DNAH11: variants seen among roughly 807,000 people sequenced by gnomAD.
DNAH11 encodes dynein axonemal heavy chain 11.
In DNAH11, 442 loss-of-function variants were observed where a neutral mutation model predicts 526.0. The observed-to-expected ratio is 0.84, with a 90% CI of 0.78 to 0.91. The LOEUF (loss-of-function observed/expected upper bound fraction) is 0.91, where lower values mean the gene tolerates loss of function less well. Among genes scored for constraint, DNAH11 ranks in the 40% least tolerant of loss-of-function variants. The probability of loss-of-function intolerance (pLI) is 0.00; values close to 1 mark genes in which losing one functional copy is unlikely to be tolerated. For synonymous variants in DNAH11, 2,461 were observed against 1,935.9 expected (o/e 1.27, Z -7.12); for missense variants, 6,989 against 5,448.7 (o/e 1.28, Z -8.90).
chr7:21,584,504 C>G (rs1254947688), intron 9 of DNAH11, among the ~76,000 whole-genome samples: 1 of 152,044 alleles, frequency 6.6e-6, no homozygotes, highest in African/African-American at 2.4e-5. Flanking sequence ...GTACAGCAAA[C>G]CAGCATGGCA....
intron 63 of DNAH11, among the ~76,000 whole-genome samples, chr7:21,813,950 A>G (rs531498542): frequency 6.6e-6 from 1 of 152,178 alleles, no homozygotes; most frequent in Admixed American, 6.5e-5. Context: ...AATGAAGGGG[A>G]TATGTTCTGA....
At chr7:21,593,914 C>G (rs1784777861) in intron 14 of DNAH11, among the ~76,000 whole-genome samples, 1 of 151,724 alleles carries the variant, frequency 6.6e-6, no homozygotes, top group African/African-American at 2.4e-5. Flanking sequence ...AAATCTCTCT[C>G]TCTCTAACAC....
At chr7:21,626,651 G>A (rs1413597432) in intron 25 of DNAH11, among the ~76,000 whole-genome samples, 1 of 151,856 alleles carries the variant, frequency 6.6e-6, no homozygotes, top group East Asian at 1.9e-4. Context: ...ATTTAACTGG[G>A]GTGACATCAT....
intron 79 of DNAH11, among the ~76,000 whole-genome samples, chr7:21,896,220 G>A (rs1370720136): frequency 3.3e-5 from 5 of 151,870 alleles, no homozygotes; most frequent in Non-Finnish European, 5.9e-5. Context: ...TGCTTTTTTT[G>A]TATCTTGTTC....
In DNAH11 at chr7:21,679,479, A is replaced by C. The variant is rs984035501; in HGVS notation, c.5329-2067A>C. ...CAATGTATACCTACATCAAAATATC[A>C]CGTTGTATACCTTAAACGTATACAA... On this transcript the variant is annotated intron_variant, in intron 30 of 81. Coordinates refer to ENST00000409508, the MANE Select transcript of DNAH11 (RefSeq NM_001277115.2). 4.6e-5 allele frequency among the ~76,000 whole-genome samples: 7 copies of C among 152,342 alleles called. No homozygotes were observed. In the South Asian group the frequency reaches 8.3e-4, roughly 18 times the overall value.
intron 72 of DNAH11, 149 bp downstream of exon 72, chr7:21,868,156 G>A: frequency 1.4e-6 from 1 of 715,650 alleles, no homozygotes; most frequent in Non-Finnish European, 2.0e-6. Context: ...AAAATGTAAA[G>A]CTAATAACCC....
chr7:21,703,145 A>G (rs1784131994), intron 37 of DNAH11, among the ~76,000 whole-genome samples: 1 of 152,198 alleles, frequency 6.6e-6, no homozygotes, highest in Non-Finnish European at 1.5e-5. Flanking sequence ...TTAATCCTGG[A>G]AAGTCAGCGA....
At chr7:21,604,755 AG>A (rs1047266132) in intron 18 of DNAH11, among the ~76,000 whole-genome samples, 2 of 152,182 alleles carry the variant, frequency 1.3e-5, no homozygotes, top group African/African-American at 4.8e-5. Context: ...AAGAGGGATA[AG>A]GGGACCTGAG....
intron 63 of DNAH11, among the ~76,000 whole-genome samples, chr7:21,814,516 T>TC (rs2090027038): frequency 1.6e-5 from 1 of 62,416 alleles, no homozygotes; most frequent in Non-Finnish European, 2.9e-5. Context: ...CCCTCCCCCC[T>TC]CCCCCCACCC....
intron 62 of DNAH11, among the ~76,000 whole-genome samples, chr7:21,807,656 A>G (rs185790661): frequency 2.0e-4 from 30 of 152,284 alleles, no homozygotes; most frequent in South Asian, 6.2e-4. Flanking sequence ...TAAAGAACTA[A>G]TGTCACTTTG....
intron 62 of DNAH11, 41 bp downstream of exon 62, chr7:21,801,316 G>C (rs1788985241): frequency 6.2e-7 from 1 of 1,608,432 alleles, no homozygotes; most frequent in African/African-American, 1.3e-5. Flanking sequence ...AAAATGTTCA[G>C]ATCAGCTTGT....
intron 63 of DNAH11, among the ~76,000 whole-genome samples, chr7:21,814,589 C>A (rs527768453): frequency 7.5e-4 from 107 of 142,300 alleles, no homozygotes; most frequent in African/African-American, 2.7e-3. Flanking sequence ...TTGTTCAATT[C>A]CCACCTATGA....
rs1264016658 is a variant in DNAH11, at chr7:21,610,120, G to A, written c.3852+3387G>A. On this transcript the variant is annotated intron_variant, in intron 20 of 81. Coordinates refer to ENST00000409508, the MANE Select transcript of DNAH11 (RefSeq NM_001277115.2). ...ATACAAAAAATTAGCCGGGCGTGGTGGCAGGCGCTTGTAGTCCCAGCTACT... is the reference window on the plus strand; with the variant it reads ...ATACAAAAAATTAGCCGGGCGTGGTAGCAGGCGCTTGTAGTCCCAGCTACT... Among the ~76,000 whole-genome samples the A allele has an allele frequency of 1.6e-4, 24 of 152,174 alleles. 1 individual carries two copies. The highest frequency in any genetic ancestry group is 1.5e-5 in the Non-Finnish European group (1 of 68,028).
At chr7:21,663,571 T>C (rs2128467207) in intron 30 of DNAH11, among the ~76,000 whole-genome samples, 1 of 152,252 alleles carries the variant, frequency 6.6e-6, no homozygotes, top group East Asian at 1.9e-4. Context: ...TGATGATTAG[T>C]GATGTTGAGC....
At chr7:21,873,102 TTTGATGTA>T (rs1370526819) in intron 73 of DNAH11, among the ~76,000 whole-genome samples, 164 bp from the exon 74 acceptor site, 14 of 152,226 alleles carry the variant, frequency 9.2e-5, no homozygotes, top group Admixed American at 3.9e-4. Flanking sequence ...TTTTTTTTTT[TTTGATGTA>T]TTGATGTATT....
At chr7:21,609,278 T>C (rs1785421482) in intron 20 of DNAH11, among the ~76,000 whole-genome samples, 1 of 152,142 alleles carries the variant, frequency 6.6e-6, no homozygotes, top group South Asian at 2.1e-4. Context: ...TACAGTGGCA[T>C]GATCTCAGCT....
At chr7:21,885,182 AAAAAAAC>A (rs1029296596) in intron 76 of DNAH11, among the ~76,000 whole-genome samples, 5 of 147,786 alleles carry the variant, frequency 3.4e-5, no homozygotes, top group South Asian at 4.3e-4. Flanking sequence ...AAAAAAAAAA[AAAAAAAC>A]ACACACATTT....
At chr7:21,875,622 C>T (rs1328959813) in intron 74 of DNAH11, among the ~76,000 whole-genome samples, 2 of 152,096 alleles carry the variant, frequency 1.3e-5, no homozygotes, top group Non-Finnish European at 2.9e-5. Context: ...GATCACACCA[C>T]TGTGCTTCAG....
intron 30 of DNAH11, among the ~76,000 whole-genome samples, chr7:21,669,032 T>C (rs375398426): frequency 6.8e-4 from 103 of 152,306 alleles, no homozygotes; most frequent in African/African-American, 2.3e-3. Context: ...TATAAAATAG[T>C]ATATCATTGT....
Sources: gnomAD v4.1 joint callset for allele counts (sites outside exome capture counted in the v4.1 genomes callset) on GRCh38, gnomAD v4.1.1 for gene constraint, MANE v1.5 for transcripts, NCBI Gene and HGNC (gene_info 2026-07-23, HGNC 2026-07-21) for gene names.